PLXNA1: variants seen among roughly 807,000 people sequenced by gnomAD.
The protein encoded by PLXNA1 is plexin-A1.
PLXNA1 carries 77 observed loss-of-function variants against 191.7 expected under a neutral mutation model. That is an observed-to-expected ratio of 0.40 (90% CI 0.33 to 0.49). The LOEUF (loss-of-function observed/expected upper bound fraction) is 0.49. Among genes scored for constraint, PLXNA1 ranks in the 20% least tolerant of loss-of-function variants. The probability of loss-of-function intolerance (pLI) is 0.63; values close to 1 mark genes in which losing one functional copy is unlikely to be tolerated. For missense variants in PLXNA1, 2,110 were observed against 2,660.2 expected, an observed-to-expected ratio of 0.79 and a Z score of 4.55; for synonymous variants, 1,137 against 1,156.4, an observed-to-expected ratio of 0.98 and a Z score of 0.34.
At chr3:127,029,619 C>A in intron 27 of PLXNA1, 83 bp downstream of exon 27, 3 of 1,443,386 alleles carry the variant, frequency 2.1e-6, no homozygotes, top group Non-Finnish European at 2.9e-6. Context: ...CACGCTGCAG[C>A]AGCCGGACGG....
At chr3:127,028,926 C>T (rs945310567) in intron 25 of PLXNA1, 67 bp from the exon 26 acceptor site, 10 of 1,282,860 alleles carry the variant, frequency 7.8e-6, no homozygotes, top group Admixed American at 3.6e-5. Context: ...CGTCCCACTA[C>T]ACTGCTGTGA....
In PLXNA1 at chr3:126,985,634, G is replaced by A. The variant is rs189942333; in HGVS notation, c.-74+2347G>A. On this transcript the variant is annotated intron_variant, in intron 1 of 31. Coordinates refer to ENST00000393409, the MANE Select transcript of PLXNA1 (RefSeq NM_032242.4). ...AGCATCTGCCCATGCTCCCCTCCTA[G>A]CCCCGGCATGGGCCCCTGGCACCCT... Among the ~76,000 whole-genome samples, 28 of 152,302 alleles carry A rather than the reference G, an allele frequency of 1.8e-4. No individual in the cohort carries two copies. In the East Asian group the frequency reaches 3.5e-3, roughly 19 times the overall value.
Position 127,007,856 on chromosome 3 carries a change from G to A in PLXNA1, c.2055G>A (p.Val685=). The part of the protein sequence containing the change: ...FPCHWCKYRH[V]CTHNVADCAF... ...GCCACTGGTGCAAATACCGCCACGT[G>A]TGCACACACAACGTGGCTGACTGCG... is the stretch of plus-strand genomic sequence containing the variant. Residue 685 remains valine (V), a synonymous_variant, in exon 9 of 32, where the codon GTG becomes GTA. Coordinates refer to ENST00000393409, the MANE Select transcript of PLXNA1 (RefSeq NM_032242.4). The A allele has an allele frequency of 6.2e-7, 1 of 1,613,062 alleles. No individual in the cohort carries two copies. Among genetic ancestry groups the A allele is most frequent in the African/African-American group, 1.3e-5 (1 of 75,070 alleles).
intron 14 of PLXNA1, among the ~76,000 whole-genome samples, 168 bp downstream of exon 14, chr3:127,014,999 C>T (rs1027302038): frequency 2.0e-5 from 3 of 152,152 alleles, no homozygotes; most frequent in East Asian, 3.9e-4. Flanking sequence ...CTCCAGGGCT[C>T]CCTGGCTCAC....
At chr3:126,992,026 G>T (rs537271759) in intron 3 of PLXNA1, among the ~76,000 whole-genome samples, 128 of 152,322 alleles carry the variant, frequency 8.4e-4, no homozygotes, top group African/African-American at 3.0e-3. Flanking sequence ...CCCTCTACTG[G>T]GCCAAGGGCA....
chr3:127,012,179 G>A, intron 10 of PLXNA1, 21 bp downstream of exon 10: 2 of 1,603,948 alleles, frequency 1.2e-6, no homozygotes, highest in Non-Finnish European at 1.7e-6. Flanking sequence ...CAGGGCAGGG[G>A]CTGGGGGCCG....
At chr3:127,012,260 A>C in intron 10 of PLXNA1, 102 bp downstream of exon 10, 1 of 1,158,910 alleles carries the variant, frequency 8.6e-7, no homozygotes, top group Non-Finnish European at 1.2e-6. Flanking sequence ...AGGGCAGTGC[A>C]CGTGCTCACG....
At chr3:127,022,929 T>C in intron 23 of PLXNA1, 111 bp downstream of exon 23, 1 of 998,262 alleles carries the variant, frequency 1.0e-6, no homozygotes, top group Non-Finnish European at 1.5e-6. Context: ...GCTGGTGGGG[T>C]CTTGGTCGAG....
In PLXNA1 at chr3:127,036,733, T is replaced by C. The variant is rs1420501669; in HGVS notation, c.*2716T>C. 2 of 152,200 alleles carry C rather than the reference T, an allele frequency of 1.3e-5. No individual in the cohort carries two copies. Among genetic ancestry groups the C allele is most frequent in the Non-Finnish European group, 2.9e-5 (2 of 68,052 alleles). 9.4% of individuals were successfully genotyped at this position (152,200 alleles called of 1,614,324 possible). ...GTGAGCGGCTCCCATGGGCCCTGTGTCTGCAGGGAGCCAGGGCTGCGGCAC... is the reference window on the plus strand; with the variant it reads ...GTGAGCGGCTCCCATGGGCCCTGTGCCTGCAGGGAGCCAGGGCTGCGGCAC... On this transcript the variant is annotated 3_prime_UTR_variant, in exon 32 of 32. Coordinates refer to ENST00000393409, the MANE Select transcript of PLXNA1 (RefSeq NM_032242.4).
In PLXNA1 at chr3:127,011,829, T is replaced by C. The variant is rs2079097108; in HGVS notation, c.2113-129T>C. 2.0e-5 allele frequency: 17 copies of C among 856,956 alleles called. No individual in the cohort carries two copies. In the South Asian group the frequency reaches 2.3e-4, roughly 12 times the overall value. The allele number at this position is 856,956 out of a possible 1,614,324, so 53.1% of individuals were successfully genotyped here. Reference sequence around the variant, plus strand: ...CAGCCAGCGGTCCTCAGTTTGCCAGTGCATAAAATGGGCACATTGGTGCTT... The same window carrying C: ...CAGCCAGCGGTCCTCAGTTTGCCAGCGCATAAAATGGGCACATTGGTGCTT... On this transcript the variant is annotated intron_variant, in intron 9 of 31. Coordinates refer to ENST00000393409, the MANE Select transcript of PLXNA1 (RefSeq NM_032242.4).
At chr3:127,011,721 TG>T (rs2079096511) in intron 9 of PLXNA1, among the ~76,000 whole-genome samples, 1 of 152,096 alleles carries the variant, frequency 6.6e-6, no homozygotes, top group Non-Finnish European at 1.5e-5. Context: ...TCTGGAATGG[TG>T]GGGGTCCTAG....
chr3:127,018,109 G>T (rs1399828889), intron 19 of PLXNA1, among the ~76,000 whole-genome samples, 185 bp from the exon 20 acceptor site: 3 of 152,034 alleles, frequency 2.0e-5, no homozygotes, highest in Non-Finnish European at 4.4e-5. Flanking sequence ...CATGCCAGTG[G>T]TGCCCTGGCT....
At chr3:127,029,602 G>A (rs1186097438) in intron 27 of PLXNA1, 66 bp downstream of exon 27, 6 of 1,518,740 alleles carry the variant, frequency 4.0e-6, no homozygotes, top group Middle Eastern at 1.7e-4. Context: ...GACGTCCCCC[G>A]GGCTCCCACG....
At position 127,014,043 on chromosome 3, in the gene PLXNA1, C is replaced by A. The variant is rs762972758; in HGVS notation, c.2337C>A (p.Val779=). 1.2e-6 allele frequency: 2 copies of A among 1,613,752 alleles called. No individual in the cohort carries two copies. The highest frequency in any genetic ancestry group is 2.7e-5 in the African/African-American group (2 of 74,926). Residue 779 remains valine, a synonymous_variant, in exon 11 of 32, where the codon GTC becomes GTA. Coordinates refer to ENST00000393409, the MANE Select transcript of PLXNA1 (RefSeq NM_032242.4). The part of the protein sequence containing the change: ...NSSYSYEGND[V]SDLPVNLSVV... ...AGTACTCCTACGAGGGGAACGATGTCAGCGACCTGCCAGTGAACCTGTCAG... is the reference window on the plus strand; with the variant it reads ...AGTACTCCTACGAGGGGAACGATGTAAGCGACCTGCCAGTGAACCTGTCAG...
Position 127,027,838 on chromosome 3 carries a change from C to T in PLXNA1, c.4363-102C>T, listed in dbSNP as rs774631286. ...AAGAGTTGGGAAGTGCTGCTCATTTCTCCTTGCCAGGAACACCATGGCTGG... is the reference window on the plus strand; with the variant it reads ...AAGAGTTGGGAAGTGCTGCTCATTTTTCCTTGCCAGGAACACCATGGCTGG... On this transcript the variant is annotated intron_variant, in intron 23 of 31. Coordinates refer to ENST00000393409, the MANE Select transcript of PLXNA1 (RefSeq NM_032242.4). 2.6e-6 allele frequency: 4 copies of T among 1,510,886 alleles called. No individual in the cohort carries two copies. The East Asian group carries it at 9.4e-5, about 36-fold the overall frequency. 93.6% of individuals were successfully genotyped at this position (1,510,886 alleles called of 1,614,324 possible).
intron 9 of PLXNA1, among the ~76,000 whole-genome samples, chr3:127,009,112 TG>T (rs1008580407): frequency 7.1e-6 from 1 of 141,676 alleles, no homozygotes; most frequent in African/African-American, 3.2e-5. Context: ...ATGAAGTCAC[TG>T]TGGGGATGAT....
At chr3:127,003,538 A>G in intron 4 of PLXNA1, 68 bp downstream of exon 4, 8 of 1,512,036 alleles carry the variant, frequency 5.3e-6, no homozygotes, top group Non-Finnish European at 7.1e-6. Context: ...CCCCAGTCAC[A>G]GAGCAGTAGG....
intron 28 of PLXNA1, 31 bp downstream of exon 28, chr3:127,030,095 A>T (rs2079200605): frequency 1.2e-6 from 2 of 1,605,322 alleles, no homozygotes; most frequent in African/African-American, 2.7e-5. Flanking sequence ...GGGGCAGGGG[A>T]CGCTGGGCCA....
At chr3:127,018,257 C>T (rs1378661338) in intron 19 of PLXNA1, 37 bp from the exon 20 acceptor site, 3 of 1,528,486 alleles carry the variant, frequency 2.0e-6, no homozygotes, top group Non-Finnish European at 2.7e-6. Context: ...TTGTGGAAAG[C>T]ATGGGAAGCT....
Sources: allele counts gnomAD v4.1 joint callset (sites outside exome capture counted in the v4.1 genomes callset), GRCh38; gene constraint gnomAD v4.1.1; transcripts MANE v1.5; gene names NCBI Gene and HGNC (gene_info 2026-07-23, HGNC 2026-07-21).